The following FYB2 variants were observed in gnomAD, a reference collection of about 807,000 sequenced individuals.
FYB2 encodes the protein FYN binding protein 2.
A neutral mutation model predicts 94.1 loss-of-function variants in FYB2; 103 were observed. That is an observed-to-expected ratio of 1.09 (90% CI 0.93 to 1.29). The LOEUF (loss-of-function observed/expected upper bound fraction) is 1.29, where lower values mean the gene tolerates loss of function less well. Among genes scored for constraint, FYB2 ranks in the 50% most tolerant of loss-of-function variants. FYB2 has a pLI of 0.00. For missense variants in FYB2, 896 were observed against 841.5 expected, an observed-to-expected ratio of 1.06 and a Z score of -0.80; for synonymous variants, 293 against 287.9, an observed-to-expected ratio of 1.02 and a Z score of -0.18.
At chr1:56,778,992 A>C (rs1645947911) in intron 4 of FYB2, among the ~76,000 whole-genome samples, 1 of 152,134 alleles carries the variant, frequency 6.6e-6, no homozygotes, top group Non-Finnish European at 1.5e-5. Context: ...ATCTGGGAGA[A>C]GATGACACAC....
chr1:56,781,504 T>C (rs1646008159), intron 4 of FYB2, among the ~76,000 whole-genome samples: 1 of 152,234 alleles, frequency 6.6e-6, no homozygotes, highest in South Asian at 2.1e-4. Flanking sequence ...AATGGGACAG[T>C]ACTATCTGCT....
Position 56,792,329 on chromosome 1 carries a change from AG to A in FYB2, c.483del (p.Tyr162MetfsTer55). The A allele has an allele frequency of 1.2e-6, 2 of 1,614,102 alleles. No homozygotes were observed. Among genetic ancestry groups the A allele is most frequent in the Non-Finnish European group, 1.7e-6 (2 of 1,180,004 alleles). Reference sequence around the variant, plus strand: ...TCCAGATGGATGGCCTTACTTCCATAGTTGGCAAGGAGAAGGGCTGAAGACA... The same window carrying A: ...TCCAGATGGATGGCCTTACTTCCATATTGGCAAGGAGAAGGGCTGAAGACA... ...SEMSSALLLA[N>X]YGSKAIHLEG... On this transcript the variant is annotated frameshift_variant, in exon 2 of 20. Coordinates refer to ENST00000343433, the MANE Select transcript of FYB2 (RefSeq NM_001004303.5). LOFTEE classifies it high-confidence loss of function.
chr1:56,792,999 A>C (rs541694687), intron 1 of FYB2, among the ~76,000 whole-genome samples, 196 bp from the exon 2 acceptor site: 1 of 152,304 alleles, frequency 6.6e-6, no homozygotes, highest in Admixed American at 6.5e-5. Context: ...GCTATTGTCT[A>C]TATGAGATAC....
At chr1:56,780,392 C>T (rs114563999) in intron 4 of FYB2, among the ~76,000 whole-genome samples, 7 of 152,268 alleles carry the variant, frequency 4.6e-5, no homozygotes, top group South Asian at 4.1e-4. Context: ...TATCCAGGCT[C>T]GATGTGTAGA....
intron 1 of FYB2, among the ~76,000 whole-genome samples, chr1:56,807,444 T>G (rs1229183825): frequency 6.6e-6 from 1 of 152,194 alleles, no homozygotes; most frequent in South Asian, 2.1e-4. Context: ...TTTTTGCTTT[T>G]TAAAGAAGAT....
intron 15 of FYB2, 52 bp from the exon 16 acceptor site, chr1:56,726,635 A>C: frequency 6.9e-7 from 1 of 1,458,872 alleles, no homozygotes; most frequent in South Asian, 1.2e-5. Context: ...TTATATATTC[A>C]TGGAACCATC....
intron 7 of FYB2, among the ~76,000 whole-genome samples, chr1:56,755,321 T>G (rs1344154340): frequency 6.6e-6 from 1 of 152,090 alleles, no homozygotes; most frequent in Admixed American, 6.5e-5. Flanking sequence ...GCAAACATAC[T>G]GTGCAAACAG....
chr1:56,739,180 T>G (rs1420400169), intron 13 of FYB2, among the ~76,000 whole-genome samples: 1 of 152,108 alleles, frequency 6.6e-6, no homozygotes, highest in Non-Finnish European at 1.5e-5. Flanking sequence ...ACGTAGTATG[T>G]AGCCAATGAA....
chr1:56,825,794 T>C, the FYB2 span, among the ~76,000 whole-genome samples: 3 of 152,220 alleles, frequency 2.0e-5, no homozygotes, highest in Non-Finnish European at 4.4e-5. Flanking sequence ...GATTGAGGAC[T>C]CACAGTGACC....
intron 1 of FYB2, among the ~76,000 whole-genome samples, chr1:56,817,569 G>T (rs111564764): frequency 2.0e-5 from 3 of 152,118 alleles, no homozygotes; most frequent in African/African-American, 7.2e-5. Flanking sequence ...TCAACCGTTT[G>T]GTTCACTGCT....
At chr1:56,750,150 T>A (rs1645161806) in intron 9 of FYB2, among the ~76,000 whole-genome samples, 1 of 151,916 alleles carries the variant, frequency 6.6e-6, no homozygotes, top group African/African-American at 2.4e-5. Context: ...AACACATAAA[T>A]CATGAATTGC....
intron 9 of FYB2, 102 bp from the exon 10 acceptor site, chr1:56,744,368 A>G (rs1295598989): frequency 2.4e-6 from 2 of 827,848 alleles, no homozygotes; most frequent in African/African-American, 1.7e-5. Context: ...GAAAAGGCAG[A>G]TTAAATGGGC....
Position 56,719,681 on chromosome 1 carries a change from C to T in FYB2, c.2177G>A (p.Trp726Ter), listed in dbSNP as rs754993998. Reference protein sequence around the residue: ...IEHLDFKHQSWSP With the variant: ...IEHLDFKHQS The stretch of plus-strand genomic sequence containing the variant: ...TTGATCTTGATTTTTCTAAGGTGAC[C>T]AACTTTGATGCCTGTGAAAAAATAA... The change falls in exon 20 of 20, where the codon TGG (tryptophan) becomes TAG (stop). Residue 726 changes from tryptophan to a stop codon, truncating the protein, a stop_gained. Transcript: ENST00000343433. LOFTEE classifies it high-confidence loss of function. 1.6e-5 allele frequency: 25 copies of T among 1,595,296 alleles called. No homozygotes were observed. The highest frequency in any genetic ancestry group is 1.0e-4 in the Admixed American group (6 of 59,038).
chr1:56,760,232 G>A (rs1645458832), intron 5 of FYB2, among the ~76,000 whole-genome samples: 1 of 152,094 alleles, frequency 6.6e-6, no homozygotes, highest in Non-Finnish European at 1.5e-5. Context: ...GAACATATGT[G>A]CATAAAAGGA....
rs201405302 is a variant in FYB2 at position 56,720,076 on chromosome 1, C to T, written c.2132-21G>A. On this transcript the variant is annotated intron_variant, in intron 18 of 19. Coordinates refer to ENST00000343433, the MANE Select transcript of FYB2 (RefSeq NM_001004303.5). ...TCCATCTAATAGAAACAAAAGTCAC[C>T]GTTAATTTGAAAGTTATAGAGAAAA... 1.8e-4 allele frequency: 281 copies of T among 1,596,454 alleles called. No homozygotes were observed. In the African/African-American group the frequency reaches 2.8e-3, roughly 16 times the overall value.
chr1:56,796,187 C>T (rs1458373141), intron 1 of FYB2, among the ~76,000 whole-genome samples: 3 of 152,086 alleles, frequency 2.0e-5, no homozygotes, highest in Non-Finnish European at 4.4e-5. Context: ...CTCCGAAGCC[C>T]CTTCCAGCAC....
rs181810541 is a variant in FYB2 at position 56,730,520 on chromosome 1, C to G, written c.1794-3937G>C. Among the ~76,000 whole-genome samples, 356 of 151,786 alleles carry G rather than the reference C, an allele frequency of 2.3e-3. 1 individual carries two copies. The highest frequency in any genetic ancestry group is 8.3e-3 in the African/African-American group (344 of 41,404). Reference sequence around the variant, plus strand: ...ACCACTGTGAGCAACTATCTGCTAACAAATGGGAAAACCTGGAGGAAATAG... The same window carrying G: ...ACCACTGTGAGCAACTATCTGCTAAGAAATGGGAAAACCTGGAGGAAATAG... On this transcript the variant is annotated intron_variant, in intron 15 of 19. Coordinates refer to ENST00000343433, the MANE Select transcript of FYB2 (RefSeq NM_001004303.5).
chr1:56,746,617 T>C (rs1170807605), intron 9 of FYB2, among the ~76,000 whole-genome samples: 1 of 152,036 alleles, frequency 6.6e-6, no homozygotes, highest in Non-Finnish European at 1.5e-5. Context: ...ATCAATATTG[T>C]TGCAAATAGT....
At chr1:56,815,724 T>C (rs151334617) in intron 1 of FYB2, among the ~76,000 whole-genome samples, 108 of 152,334 alleles carry the variant, frequency 7.1e-4, no homozygotes, top group African/African-American at 2.5e-3. Flanking sequence ...TATAATTCCA[T>C]GACTTGTGCA....
Sources: allele counts gnomAD v4.1 joint callset (sites outside exome capture counted in the v4.1 genomes callset), GRCh38; gene constraint gnomAD v4.1.1; transcripts MANE v1.5; gene names NCBI Gene and HGNC (gene_info 2026-07-23, HGNC 2026-07-21).